The following MCU variants were observed in gnomAD, a reference collection of about 807,000 sequenced individuals.
The protein encoded by MCU is mitochondrial calcium uniporter.
In MCU, 12 loss-of-function variants were observed where a neutral mutation model predicts 45.2. That is an observed-to-expected ratio of 0.27 (90% CI 0.17 to 0.43). MCU has a LOEUF of 0.43. Ranked by LOEUF, MCU falls within the 20% of genes least tolerant of loss-of-function variation. MCU has a pLI of 1.00. For synonymous variants in MCU, 160 were observed against 165.1 expected (o/e 0.97, Z 0.24); for missense variants, 324 against 436.7 (o/e 0.74, Z 2.30).
At position 72,692,311 on chromosome 10, in the gene MCU, C is replaced by G. The variant is rs1330256236; in HGVS notation, c.150+10C>G. On this transcript the variant is annotated intron_variant, in intron 1 of 7. Transcript: ENST00000373053. ...GCAGCACCACCGGACGGTGAGCGAG[C>G]GCGCCCGGAGGCTCCGGGGAGGGCG... The G allele has an allele frequency of 8.3e-6, 10 of 1,210,860 alleles. No individual in the cohort carries two copies. Among genetic ancestry groups the G allele is most frequent in the Non-Finnish European group, 1.0e-5 (10 of 973,850 alleles). The allele number at this position is 1,210,860 out of a possible 1,614,324, so 75.0% of individuals were successfully genotyped here. A position where few individuals can be genotyped will look rare whatever the true frequency, so the allele number is the denominator to read the frequency against.
chr10:72,838,110 C>G (rs1844983011), intron 2 of MCU, among the ~76,000 whole-genome samples: 1 of 151,972 alleles, frequency 6.6e-6, no homozygotes, highest in African/African-American at 2.4e-5. Flanking sequence ...ATCCACCCGC[C>G]TCAGCCTACC....
chr10:72,885,890 G>T lies in MCU; in HGVS notation c.*68G>T. ...TGCCTTTTTAATTAAAGCATTGCAGGTGGAAGCTGGGAGCCATGTGGGGGG... is the reference window on the plus strand; with the variant it reads ...TGCCTTTTTAATTAAAGCATTGCAGTTGGAAGCTGGGAGCCATGTGGGGGG... On this transcript the variant is annotated 3_prime_UTR_variant, in exon 8 of 8. Coordinates refer to ENST00000373053, the MANE Select transcript of MCU (RefSeq NM_138357.3). 1 of 1,323,568 alleles carries T rather than the reference G, an allele frequency of 7.6e-7. No homozygotes were observed. Among genetic ancestry groups the T allele is most frequent in the Non-Finnish European group, 1.1e-6 (1 of 920,688 alleles). The allele number at this position is 1,323,568 out of a possible 1,614,324, so 82.0% of individuals were successfully genotyped here. A position where few individuals can be genotyped will look rare whatever the true frequency, so the allele number is the denominator to read the frequency against.
At chr10:72,836,141 A>G (rs1215627440) in intron 2 of MCU, among the ~76,000 whole-genome samples, 1 of 152,128 alleles carries the variant, frequency 6.6e-6, no homozygotes, top group East Asian at 1.9e-4. Flanking sequence ...TCACTGTTAA[A>G]AAAAAAAAAG....
At chr10:72,815,134 G>A (rs2132808028) in intron 1 of MCU, among the ~76,000 whole-genome samples, 1 of 152,366 alleles carries the variant, frequency 6.6e-6, no homozygotes, top group Admixed American at 6.5e-5. Flanking sequence ...AGGGCCAAAA[G>A]TAAATACTTT....
At chr10:72,776,862 A>G (rs991817167) in intron 1 of MCU, among the ~76,000 whole-genome samples, 2 of 152,242 alleles carry the variant, frequency 1.3e-5, no homozygotes, top group Non-Finnish European at 2.9e-5. Flanking sequence ...AAATGAGTTT[A>G]GTACAATTGC....
At chr10:72,790,241 A>G (rs910103311) in intron 1 of MCU, among the ~76,000 whole-genome samples, 1 of 152,180 alleles carries the variant, frequency 6.6e-6, no homozygotes, top group Admixed American at 6.5e-5. Context: ...TGCAAAATTC[A>G]CCAAAGAAGA....
At chr10:72,726,676 A>C (rs1843106341) in intron 1 of MCU, among the ~76,000 whole-genome samples, 1 of 152,174 alleles carries the variant, frequency 6.6e-6, no homozygotes. Flanking sequence ...AAAAATCAAA[A>C]TTCAGTATTT....
chr10:72,873,016 T>G (rs925439108), intron 6 of MCU, among the ~76,000 whole-genome samples: 1 of 134,900 alleles, frequency 7.4e-6, no homozygotes, highest in Non-Finnish European at 1.6e-5. Flanking sequence ...TTTTTGGGTT[T>G]TTTTTTTTTT....
At chr10:72,692,958 G>A in intron 1 of MCU, 1 of 1,534,396 alleles carries the variant, frequency 6.5e-7, no homozygotes, top group Non-Finnish European at 8.7e-7. Flanking sequence ...TCATCCTCTT[G>A]GGTCCTTAAA....
chr10:72,721,623 C>T (rs1421209647), intron 1 of MCU, among the ~76,000 whole-genome samples: 1 of 152,122 alleles, frequency 6.6e-6, no homozygotes, highest in Non-Finnish European at 1.5e-5. Context: ...TACAGGTTTT[C>T]TTATTTCTTT....
In MCU at chr10:72,886,670, GGAAGA is replaced by G. The variant is rs1178507919; in HGVS notation, c.*849_*853del. On this transcript the variant is annotated 3_prime_UTR_variant, in exon 8 of 8. Transcript: ENST00000373053. Reference sequence around the variant, plus strand: ...GGTGTTCAGCTGTACTACCAAATCAGGAAGATGTAAGGTTTACAAATTGGCTAAGA... The same window carrying G: ...GGTGTTCAGCTGTACTACCAAATCAGTGTAAGGTTTACAAATTGGCTAAGA... 1 of 152,316 alleles carries G rather than the reference GGAAGA, an allele frequency of 6.6e-6. No individual in the cohort carries two copies. The highest frequency in any genetic ancestry group is 1.5e-5 in the Non-Finnish European group (1 of 68,042). 9.4% of individuals were successfully genotyped at this position (152,316 alleles called of 1,614,324 possible). A position where few individuals can be genotyped will look rare whatever the true frequency, so the allele number is the denominator to read the frequency against.
intron 1 of MCU, among the ~76,000 whole-genome samples, chr10:72,802,028 C>G (rs1844350650): frequency 6.6e-6 from 1 of 152,110 alleles, no homozygotes. Flanking sequence ...CTTTAAGCCA[C>G]CTATGTGGTC....
At chr10:72,766,764 GCT>G (rs1426736901) in intron 1 of MCU, 3 of 152,020 alleles carry the variant, frequency 2.0e-5, no homozygotes, top group Non-Finnish European at 2.9e-5. Flanking sequence ...GTTGTTTAAC[GCT>G]CTGTCAGTCT....
intron 1 of MCU, among the ~76,000 whole-genome samples, chr10:72,723,579 A>G (rs768211314): frequency 3.2e-4 from 48 of 152,200 alleles, no homozygotes; most frequent in Admixed American, 1.1e-3. Flanking sequence ...ATAACTTACC[A>G]TCGAAGATGA....
intron 1 of MCU, chr10:72,692,782 G>T: frequency 1.4e-6 from 2 of 1,388,196 alleles, no homozygotes; most frequent in Non-Finnish European, 1.9e-6. Flanking sequence ...CTGCCCCGGA[G>T]AGCAGCCCAG....
intron 1 of MCU, among the ~76,000 whole-genome samples, chr10:72,747,366 TTTC>T (rs1843429010): frequency 6.6e-6 from 1 of 152,220 alleles, no homozygotes; most frequent in Non-Finnish European, 1.5e-5. Context: ...TTTTGTTGGT[TTTC>T]TTTTCTTTTC....
intron 1 of MCU, among the ~76,000 whole-genome samples, chr10:72,812,464 C>A (rs1325688151): frequency 6.6e-6 from 1 of 152,076 alleles, no homozygotes; most frequent in Non-Finnish European, 1.5e-5. Context: ...TCTTATACTT[C>A]ATTATTGATA....
At chr10:72,789,417 G>A (rs942578535) in intron 1 of MCU, among the ~76,000 whole-genome samples, 8 of 152,042 alleles carry the variant, frequency 5.3e-5, no homozygotes, top group Non-Finnish European at 8.8e-5. Context: ...TCTGTGTTAT[G>A]TTTAGCTACC....
intron 1 of MCU, among the ~76,000 whole-genome samples, chr10:72,768,549 A>T (rs1424540835): frequency 6.6e-6 from 1 of 152,220 alleles, no homozygotes; most frequent in South Asian, 2.1e-4. Flanking sequence ...AGAAGGTTGC[A>T]TAGAACTAAG....
Sources: allele counts gnomAD v4.1 joint callset (sites outside exome capture counted in the v4.1 genomes callset), GRCh38; gene constraint gnomAD v4.1.1; transcripts MANE v1.5; gene names NCBI Gene and HGNC (gene_info 2026-07-23, HGNC 2026-07-21).